KBTBD13: variants seen among roughly 807,000 people sequenced by gnomAD.
KBTBD13 encodes the protein kelch repeat and BTB domain-containing protein 13.
KBTBD13 carries 32 observed loss-of-function variants against 25.4 expected under a neutral mutation model. The observed-to-expected ratio is 1.26, with a 90% CI of 0.95 to 1.69. The LOEUF (loss-of-function observed/expected upper bound fraction) is 1.69, where lower values mean the gene tolerates loss of function less well. Ranked by LOEUF, KBTBD13 falls within the 40% of genes most tolerant of loss-of-function variation. The pLI is 0.00. For synonymous variants in KBTBD13, 436 were observed against 329.8 expected (o/e 1.32, Z -3.49); for missense variants, 898 against 679.5 (o/e 1.32, Z -3.57).
rs1221508958 is a variant in KBTBD13 at position 65,079,801 on chromosome 15, G to C, written c.*1609G>C. ...TGACACCTCCGGGGCATGGAGGCTC[G>C]CGCCAGGGCTGCACCTAGCTGCCTC... On this transcript the variant is annotated 3_prime_UTR_variant, in exon 1 of 1. Coordinates refer to ENST00000432196, the MANE Select transcript of KBTBD13 (RefSeq NM_001101362.3). Among the ~76,000 whole-genome samples, 1 of 152,174 alleles carries C rather than the reference G, an allele frequency of 6.6e-6. No individual in the cohort carries two copies. Among genetic ancestry groups the C allele is most frequent in the Non-Finnish European group, 1.5e-5 (1 of 68,022 alleles).
At position 65,077,448 on chromosome 15, in the gene KBTBD13, T is replaced by G. The variant is rs2086992056; in HGVS notation, c.633T>G (p.Leu211=). Residue 211 remains leucine, a synonymous_variant, in exon 1 of 1, where the codon CTT becomes CTG. Transcript: ENST00000432196. ...GGGTGGCCACGCTGGGCAACAAGCT[T>G]TACATCGTGGGGGGCGTGCGCGGCG... ...LAGVATLGNK[L]YIVGGVRGAS... 3 of 1,526,830 alleles carry G rather than the reference T, an allele frequency of 2.0e-6. No homozygotes were observed. In the African/African-American group the frequency reaches 4.1e-5, roughly 21 times the overall value. The allele number at this position is 1,526,830 out of a possible 1,614,324, so 94.6% of individuals were successfully genotyped here. A position where few individuals can be genotyped will look rare whatever the true frequency, so the allele number is the denominator to read the frequency against.
In KBTBD13 at chr15:65,078,072, C is replaced by T; in HGVS notation, c.1257C>T (p.Gly419=). The T allele has an allele frequency of 6.3e-7, 1 of 1,598,476 alleles. No homozygotes were observed. Among genetic ancestry groups the T allele is most frequent in the Non-Finnish European group, 8.5e-7 (1 of 1,178,242 alleles). The change falls in exon 1 of 1, where the codon GGC becomes GGT. Residue 419 remains glycine, a synonymous_variant. Transcript: ENST00000432196. ...MFTLLYAIEG[G]TWRLLREKAG... ...CGCTGCTCTACGCCATCGAGGGCGG[C>T]ACCTGGCGGCTGCTCAGGGAGAAAG...
In KBTBD13 at chr15:65,077,150, C is replaced by A. The variant is rs575680369; in HGVS notation, c.335C>A (p.Ala112Glu). 16 of 1,513,334 alleles carry A rather than the reference C, an allele frequency of 1.1e-5. No homozygotes were observed. The African/African-American group carries it at 1.9e-4, about 18-fold the overall frequency. 93.7% of individuals were successfully genotyped at this position (1,513,334 alleles called of 1,614,324 possible). A position where few individuals can be genotyped will look rare whatever the true frequency, so the allele number is the denominator to read the frequency against. The change falls in exon 1 of 1, where the codon GCG becomes GAG. Residue 112 changes from alanine to glutamate, a missense_variant. Coordinates refer to ENST00000432196, the MANE Select transcript of KBTBD13 (RefSeq NM_001101362.3). ...GACAACTGCGCATTGCTGTGCGACG[C>A]GGCCGCCGCCTTCGGCCTGCGCGAC... Reference protein sequence around the residue: ...TSDNCALLCDAAAAFGLRDVF... With the variant: ...TSDNCALLCDEAAAFGLRDVF...
Position 65,078,291 on chromosome 15 carries a change from T to C in KBTBD13, c.*99T>C. ...CCTTAGAAGTAGCTGGCAACTTCCCTCTTTCTACTGAGACACCCAGGTTTG... is the reference window on the plus strand; with the variant it reads ...CCTTAGAAGTAGCTGGCAACTTCCCCCTTTCTACTGAGACACCCAGGTTTG... On this transcript the variant is annotated 3_prime_UTR_variant, in exon 1 of 1. Transcript: ENST00000432196. 6.9e-7 allele frequency: 1 copy of C among 1,444,088 alleles called. No individual in the cohort carries two copies. Among genetic ancestry groups the C allele is most frequent in the East Asian group, 2.5e-5 (1 of 40,192 alleles). The allele number at this position is 1,444,088 out of a possible 1,614,324, so 89.5% of individuals were successfully genotyped here. A position where few individuals can be genotyped will look rare whatever the true frequency, so the allele number is the denominator to read the frequency against.
Position 65,077,374 on chromosome 15 carries a change from T to A in KBTBD13, c.559T>A (p.Trp187Arg), listed in dbSNP as rs1281368024. The A allele has an allele frequency of 2.0e-6, 3 of 1,511,380 alleles. No homozygotes were observed. The highest frequency in any genetic ancestry group is 1.9e-4 in the Middle Eastern group (1 of 5,266). 93.6% of individuals were successfully genotyped at this position (1,511,380 alleles called of 1,614,324 possible). A position where few individuals can be genotyped will look rare whatever the true frequency, so the allele number is the denominator to read the frequency against. ...LCYLDEEEDA[W>R]RTLAALPLEA... The stretch of plus-strand genomic sequence containing the variant: ...TTACCTGGACGAGGAAGAGGACGCG[T>A]GGCGCACGCTGGCTGCGCTGCCCCT... Residue 187 changes from tryptophan (W) to arginine (R), a missense_variant, in exon 1 of 1, where the codon TGG (tryptophan) becomes AGG (arginine). Transcript: ENST00000432196.
rs148606250 is a variant in KBTBD13, at chr15:65,079,748, G to C, written c.*1556G>C. On this transcript the variant is annotated 3_prime_UTR_variant, in exon 1 of 1. Coordinates refer to ENST00000432196, the MANE Select transcript of KBTBD13 (RefSeq NM_001101362.3). ...GAGGCCCATGGGGAATCTTGGCCTC[G>C]TCAGAAGTGGAGAATGCAGTGTCAG... 1.3e-5 allele frequency among the ~76,000 whole-genome samples: 2 copies of C among 152,190 alleles called. No individual in the cohort carries two copies. Among genetic ancestry groups the C allele is most frequent in the African/African-American group, 4.8e-5 (2 of 41,446 alleles).
Position 65,077,767 on chromosome 15 carries a change from A to G in KBTBD13, c.952A>G (p.Thr318Ala). The G allele has an allele frequency of 6.3e-7, 1 of 1,578,958 alleles. No individual in the cohort carries two copies. The highest frequency in any genetic ancestry group is 8.6e-7 in the Non-Finnish European group (1 of 1,168,674). ...GTGCCTGTGGCGGCCGGCCGACACC[A>G]CCGCCGTGGTGGAGTACGCAGTGCG... ...FVCLWRPADT[T>A]AVVEYAVRTD... The change falls in exon 1 of 1, where the codon ACC (threonine) becomes GCC (alanine). Residue 318 changes from threonine to alanine, a missense_variant. Physicochemically the swap from Thr to Ala is moderately conservative, Grantham distance 58. Coordinates refer to ENST00000432196, the MANE Select transcript of KBTBD13 (RefSeq NM_001101362.3).
Position 65,077,610 on chromosome 15 carries a change from CG to C in KBTBD13, c.796del (p.Glu266AsnfsTer176). 1 of 1,582,590 alleles carries C rather than the reference CG, an allele frequency of 6.3e-7. No individual in the cohort carries two copies. Among genetic ancestry groups the C allele is most frequent in the Non-Finnish European group, 8.5e-7 (1 of 1,171,258 alleles). Reference protein sequence around the residue: ...FDGRLYAIGGEFQRTPISSVE... With the variant: ...FDGRLYAIGGXFQRTPISSVE... Reference sequence around the variant, plus strand: ...ACGGCCGCCTCTACGCCATCGGCGGCGAATTCCAGAGGACGCCCATCAGCTC... The same window carrying C: ...ACGGCCGCCTCTACGCCATCGGCGGCAATTCCAGAGGACGCCCATCAGCTC... On this transcript the variant is annotated frameshift_variant, in exon 1 of 1. Transcript: ENST00000432196. LOFTEE classifies it high-confidence loss of function.
Position 65,077,954 on chromosome 15 carries a change from C to G in KBTBD13, c.1139C>G (p.Thr380Arg). The change falls in exon 1 of 1, where the codon ACG (threonine) becomes AGG (arginine). Residue 380 changes from threonine (T) to arginine (R), a missense_variant. Physicochemically the swap from Thr to Arg is moderately conservative, Grantham distance 71. Transcript: ENST00000432196. ...DCLNLATGQWTALPGQFVNSK... is the reference protein window; with the variant it reads ...DCLNLATGQWRALPGQFVNSK... ...CTCAACCTGGCCACGGGCCAGTGGA[C>G]GGCGCTGCCCGGCCAGTTCGTCAAC... The G allele has an allele frequency of 6.2e-7, 1 of 1,611,200 alleles. No individual in the cohort carries two copies. The highest frequency in any genetic ancestry group is 8.5e-7 in the Non-Finnish European group (1 of 1,179,786).
rs1396156878 is a variant in KBTBD13, at chr15:65,079,404, A to G, written c.*1212A>G. On this transcript the variant is annotated 3_prime_UTR_variant, in exon 1 of 1. Coordinates refer to ENST00000432196, the MANE Select transcript of KBTBD13 (RefSeq NM_001101362.3). ...CTGACCTGGGCTGCCTGCATTGCTC[A>G]TTGGACCCCTGGCTGTAACATCATT... Among the ~76,000 whole-genome samples, 4 of 152,158 alleles carry G rather than the reference A, an allele frequency of 2.6e-5. No individual in the cohort carries two copies. Among genetic ancestry groups the G allele is most frequent in the African/African-American group, 9.7e-5 (4 of 41,426 alleles).
chr15:65,076,791 G>A lies in KBTBD13; in HGVS notation c.-25G>A, dbSNP rs1487296585. 6.7e-7 allele frequency: 1 copy of A among 1,494,294 alleles called. No individual in the cohort carries two copies. Among genetic ancestry groups the A allele is most frequent in the Non-Finnish European group, 8.9e-7 (1 of 1,122,630 alleles). 92.6% of individuals were successfully genotyped at this position (1,494,294 alleles called of 1,614,324 possible). On this transcript the variant is annotated 5_prime_UTR_variant, in exon 1 of 1. Transcript: ENST00000432196. ...GGCTGGCTAACCCAAGGCCCCAGCG[G>A]CAGCCTCCGCCCGGCCAGCTCGCCA...
rs1474666301 is a variant in KBTBD13 at position 65,077,259 on chromosome 15, C to T, written c.444C>T (p.Tyr148=). ...TGGCGCTGCCTGAGGCCCGCGCCTA[C>T]GTGGCGGCCCTGCGGCCCAGCAGCT... The part of the protein sequence containing the change: ...AELALPEARA[Y]VAALRPSSYA... The change falls in exon 1 of 1, where the codon TAC becomes TAT. Residue 148 remains tyrosine (Y), a synonymous_variant. Coordinates refer to ENST00000432196, the MANE Select transcript of KBTBD13 (RefSeq NM_001101362.3). 6 of 1,404,002 alleles carry T rather than the reference C, an allele frequency of 4.3e-6. No homozygotes were observed. In the African/African-American group the frequency reaches 6.1e-5, roughly 14 times the overall value. 87.0% of individuals were successfully genotyped at this position (1,404,002 alleles called of 1,614,324 possible).
In KBTBD13 at chr15:65,077,859, C is replaced by G. The variant is rs2087001961; in HGVS notation, c.1044C>G (p.Ala348=). The change falls in exon 1 of 1, where the codon GCC becomes GCG. Residue 348 remains alanine, a synonymous_variant. Transcript: ENST00000432196. ...RPQSYGHCMV[A]HRDSLYVVRN... ...AGAGCTATGGCCACTGCATGGTGGC[C>G]CACCGCGACAGCCTCTATGTGGTGC... 1 of 1,611,104 alleles carries G rather than the reference C, an allele frequency of 6.2e-7. No homozygotes were observed. Among genetic ancestry groups the G allele is most frequent in the African/African-American group, 1.3e-5 (1 of 75,060 alleles).
Position 65,077,099 on chromosome 15 carries a change from G to C in KBTBD13, c.284G>C (p.Arg95Pro), listed in dbSNP as rs1160768354. 5 of 1,522,748 alleles carry C rather than the reference G, an allele frequency of 3.3e-6. No individual in the cohort carries two copies. The highest frequency in any genetic ancestry group is 1.4e-5 in the African/African-American group (1 of 70,880). 94.3% of individuals were successfully genotyped at this position (1,522,748 alleles called of 1,614,324 possible). A position where few individuals can be genotyped will look rare whatever the true frequency, so the allele number is the denominator to read the frequency against. The change falls in exon 1 of 1, where the codon CGC becomes CCC. Residue 95 changes from arginine (R) to proline (P), a missense_variant. Transcript: ENST00000432196. ...AAFLQAPALA[R>P]FLEHNLTSDN... ...TTCCTCCAGGCGCCGGCGCTGGCTC[G>C]CTTTCTGGAGCACAACCTCACGTCG...
rs192935606 is a variant in KBTBD13 at position 65,077,212 on chromosome 15, G to C, written c.397G>C (p.Glu133Gln). The stretch of plus-strand genomic sequence containing the variant: ...TGCCGCGCTCTTCATCTGCGACGGC[G>C]AGCGCGAGCTGGCGGCCGAACTGGC... ...HSAALFICDG[E>Q]RELAAELALP... The change falls in exon 1 of 1, where the codon GAG (glutamate) becomes CAG (glutamine). Residue 133 changes from glutamate (E) to glutamine (Q), a missense_variant. Physicochemically the swap from Glu to Gln is conservative, Grantham distance 29. Coordinates refer to ENST00000432196, the MANE Select transcript of KBTBD13 (RefSeq NM_001101362.3). 4 of 1,448,058 alleles carry C rather than the reference G, an allele frequency of 2.8e-6. No homozygotes were observed. Among genetic ancestry groups the C allele is most frequent in the Non-Finnish European group, 2.7e-6 (3 of 1,102,046 alleles). 89.7% of individuals were successfully genotyped at this position (1,448,058 alleles called of 1,614,324 possible).
chr15:65,078,059 C>A lies in KBTBD13; in HGVS notation c.1244C>A (p.Ala415Asp). The change falls in exon 1 of 1, where the codon GCC becomes GAC. Residue 415 changes from alanine (A) to aspartate (D), a missense_variant. Coordinates refer to ENST00000432196, the MANE Select transcript of KBTBD13 (RefSeq NM_001101362.3). ...TVNRMFTLLY[A>D]IEGGTWRLLR... The stretch of plus-strand genomic sequence containing the variant: ...AACCGCATGTTCACGCTGCTCTACG[C>A]CATCGAGGGCGGCACCTGGCGGCTG... 1 of 1,600,744 alleles carries A rather than the reference C, an allele frequency of 6.2e-7. No individual in the cohort carries two copies.
rs1199231348 is a variant in KBTBD13, at chr15:65,079,910, A to G, written c.*1718A>G. Among the ~76,000 whole-genome samples, 3 of 152,186 alleles carry G rather than the reference A, an allele frequency of 2.0e-5. No homozygotes were observed. Among genetic ancestry groups the G allele is most frequent in the African/African-American group, 4.8e-5 (2 of 41,444 alleles). ...CAGCCCTGGAGTAGCCTAGTCTGATAAGTCTCAACAATAAACCCTGACTTT... is the reference window on the plus strand; with the variant it reads ...CAGCCCTGGAGTAGCCTAGTCTGATGAGTCTCAACAATAAACCCTGACTTT... On this transcript the variant is annotated 3_prime_UTR_variant, in exon 1 of 1. Coordinates refer to ENST00000432196, the MANE Select transcript of KBTBD13 (RefSeq NM_001101362.3).
At position 65,077,414 on chromosome 15, in the gene KBTBD13, TGCTGGCCGGGGTGGCCAC is replaced by T; in HGVS notation, c.605_622del (p.Ala202_Leu207del). ...GCGCTGCCCCTGGAGGCCAGCACGT[TGCTGGCCGGGGTGGCCAC>T]GCTGGGCAACAAGCTTTACATCGTG... is the stretch of plus-strand genomic sequence containing the variant. On this transcript the variant is annotated inframe_deletion, in exon 1 of 1. Transcript: ENST00000432196. 1 of 1,526,972 alleles carries T rather than the reference TGCTGGCCGGGGTGGCCAC, an allele frequency of 6.5e-7. No homozygotes were observed. The highest frequency in any genetic ancestry group is 8.8e-7 in the Non-Finnish European group (1 of 1,141,640). 94.6% of individuals were successfully genotyped at this position (1,526,972 alleles called of 1,614,324 possible).
rs2087016067 is a variant in KBTBD13, at chr15:65,079,092, C to T, written c.*900C>T. Among the ~76,000 whole-genome samples, 1 of 152,092 alleles carries T rather than the reference C, an allele frequency of 6.6e-6. No homozygotes were observed. Among genetic ancestry groups the T allele is most frequent in the Non-Finnish European group, 1.5e-5 (1 of 68,018 alleles). ...GATTCTTCACGTTCCTTTTTGGAAC[C>T]CTTAGGGGAGCACCCAGGTGTAAGC... On this transcript the variant is annotated 3_prime_UTR_variant, in exon 1 of 1. Coordinates refer to ENST00000432196, the MANE Select transcript of KBTBD13 (RefSeq NM_001101362.3).
Sources: allele counts gnomAD v4.1 joint callset (sites outside exome capture counted in the v4.1 genomes callset), GRCh38; gene constraint gnomAD v4.1.1; transcripts MANE v1.5; gene names NCBI Gene and HGNC (gene_info 2026-07-23, HGNC 2026-07-21).